SYT16: variants seen among roughly 807,000 people sequenced by gnomAD.
SYT16 encodes the protein synaptotagmin 16.
In SYT16, 42 loss-of-function variants were observed where a neutral mutation model predicts 61.4. The ratio of observed to expected loss-of-function variants is 0.68; its 90% confidence interval spans 0.53 to 0.89. The LOEUF (loss-of-function observed/expected upper bound fraction) is 0.89. Among genes scored for constraint, SYT16 ranks in the 40% least tolerant of loss-of-function variants. The pLI is 0.00. For missense variants in SYT16, 804 were observed against 807.3 expected (o/e 1.00, Z 0.05); for synonymous variants, 314 against 302.3 (o/e 1.04, Z -0.40).
rs1380318282 is a variant in SYT16, at chr14:62,111,428, C to G, written c.*10721C>G. On this transcript the variant is annotated 3_prime_UTR_variant, in exon 8 of 8. Coordinates refer to ENST00000683842, the MANE Select transcript of SYT16 (RefSeq NM_001367656.1). Reference sequence around the variant, plus strand: ...GATGTATTAACATTGTAAACATGTACTTTTTCTATTCTATGCTTACTTTAA... The same window carrying G: ...GATGTATTAACATTGTAAACATGTAGTTTTTCTATTCTATGCTTACTTTAA... 1 of 152,000 alleles carries G rather than the reference C, an allele frequency of 6.6e-6. No homozygotes were observed. Among genetic ancestry groups the G allele is most frequent in the Non-Finnish European group, 1.5e-5 (1 of 67,934 alleles). The allele number at this position is 152,000 out of a possible 1,614,324, so 9.4% of individuals were successfully genotyped here. A position where few individuals can be genotyped will look rare whatever the true frequency, so the allele number is the denominator to read the frequency against.
chr14:62,030,301 T>C (rs999632325), intron 3 of SYT16, among the ~76,000 whole-genome samples: 2 of 152,180 alleles, frequency 1.3e-5, no homozygotes, highest in Middle Eastern at 3.2e-3. Flanking sequence ...GCTTATATCA[T>C]CCTGCCGGGA....
chr14:62,003,677 A>G (rs1385251332), intron 3 of SYT16, among the ~76,000 whole-genome samples: 1 of 152,118 alleles, frequency 6.6e-6, no homozygotes, highest in African/African-American at 2.4e-5. Flanking sequence ...TACACTGTGA[A>G]ATTGAATTGG....
chr14:62,036,748 G>A (rs933917494), intron 3 of SYT16, among the ~76,000 whole-genome samples: 8 of 152,044 alleles, frequency 5.3e-5, no homozygotes, highest in African/African-American at 1.9e-4. Flanking sequence ...AGAAAAGCAC[G>A]GGAAAAACCC....
chr14:61,982,430 A>G (rs908191446), intron 2 of SYT16, among the ~76,000 whole-genome samples: 1 of 152,182 alleles, frequency 6.6e-6, no homozygotes, highest in Non-Finnish European at 1.5e-5. Flanking sequence ...CAGGCAAGAT[A>G]GAGAGAATGA....
At position 62,100,518 on chromosome 14, in the gene SYT16, C is replaced by T; in HGVS notation, c.1749C>T (p.Leu583=). The T allele has an allele frequency of 6.2e-7, 1 of 1,613,836 alleles. No homozygotes were observed. Among genetic ancestry groups the T allele is most frequent in the African/African-American group, 1.3e-5 (1 of 75,046 alleles). The change falls in exon 8 of 8, where the codon CTC becomes CTT. Residue 583 remains leucine (L), a synonymous_variant. Transcript: ENST00000683842. Reference sequence around the variant, plus strand: ...AGACCTTTGTTTTCCAGGTGGCCCTCTTTCAGCTGTCTGATGTCACGTTGA... The same window carrying T: ...AGACCTTTGTTTTCCAGGTGGCCCTTTTTCAGCTGTCTGATGTCACGTTGA... ...YKETFVFQVA[L]FQLSDVTLMI...
Position 61,947,414 on chromosome 14 carries a change from A to C in SYT16, c.-324-22718A>C, listed in dbSNP as rs545962728. ...AGCCTGCACATTTGATAGTTGACACAGCCCCAGAACCACTGAGGCACCTAA... is the reference window on the plus strand; with the variant it reads ...AGCCTGCACATTTGATAGTTGACACCGCCCCAGAACCACTGAGGCACCTAA... On this transcript the variant is annotated intron_variant, in intron 1 of 7. Transcript: ENST00000683842. 2.0e-5 allele frequency among the ~76,000 whole-genome samples: 3 copies of C among 152,122 alleles called. No homozygotes were observed. In the East Asian group the frequency reaches 5.8e-4, roughly 29 times the overall value.
At chr14:62,026,117 TTTGGA>T (rs1487333574) in intron 3 of SYT16, among the ~76,000 whole-genome samples, 1 of 152,094 alleles carries the variant, frequency 6.6e-6, no homozygotes, top group African/African-American at 2.4e-5. Context: ...GCCCTCAAAG[TTTGGA>T]GTAGCTCTTT....
intron 3 of SYT16, among the ~76,000 whole-genome samples, chr14:61,996,919 C>A (rs1260200958): frequency 6.6e-6 from 1 of 151,928 alleles, no homozygotes; most frequent in African/African-American, 2.4e-5. Context: ...GTGTGAAATC[C>A]TGTGCAAAAA....
At chr14:62,024,517 T>C (rs951815793) in intron 3 of SYT16, among the ~76,000 whole-genome samples, 2 of 152,080 alleles carry the variant, frequency 1.3e-5, no homozygotes, top group Admixed American at 6.6e-5. Flanking sequence ...CCCAATAAAA[T>C]TGATCGGAAA....
chr14:61,858,992 C>T (rs1339533264), intron 1 of SYT16, among the ~76,000 whole-genome samples: 1 of 150,994 alleles, frequency 6.6e-6, no homozygotes. Context: ...GTAGCTGGGA[C>T]TACAGGCGCC....
chr14:61,966,402 T>C (rs2051316989), intron 1 of SYT16, among the ~76,000 whole-genome samples: 1 of 152,134 alleles, frequency 6.6e-6, no homozygotes, highest in African/African-American at 2.4e-5. Context: ...AACATTATCA[T>C]CATTTTTATA....
chr14:62,030,578 A>G (rs1162318052), intron 3 of SYT16, among the ~76,000 whole-genome samples: 4 of 152,222 alleles, frequency 2.6e-5, no homozygotes, highest in African/African-American at 9.6e-5. Flanking sequence ...TCTCTTTCAC[A>G]CAATTGCAGT....
chr14:61,962,505 A>G (rs540329873), intron 1 of SYT16, among the ~76,000 whole-genome samples: 34 of 151,980 alleles, frequency 2.2e-4, no homozygotes, highest in Non-Finnish European at 3.8e-4. Context: ...TTTTGTGTTC[A>G]ATCTAGAGAG....
chr14:61,864,641 A>G (rs1442198304), intron 1 of SYT16, among the ~76,000 whole-genome samples: 2 of 152,242 alleles, frequency 1.3e-5, no homozygotes, highest in African/African-American at 2.4e-5. Context: ...TGGCGGTGGA[A>G]TGAGTGCGGT....
chr14:62,015,668 T>G lies in SYT16; in HGVS notation c.523+19126T>G, dbSNP rs760598935. Among the ~76,000 whole-genome samples the G allele has an allele frequency of 2.0e-5, 3 of 152,140 alleles. No individual in the cohort carries two copies. The East Asian group carries it at 5.8e-4, about 29-fold the overall frequency. On this transcript the variant is annotated intron_variant, in intron 3 of 7. Transcript: ENST00000683842. ...CTCATGAATGGGATGAGTGCCCTTATAAAAGAGGCCCCAGAAGCCGCCTTG... is the reference window on the plus strand; with the variant it reads ...CTCATGAATGGGATGAGTGCCCTTAGAAAAGAGGCCCCAGAAGCCGCCTTG...
At position 61,996,732 on chromosome 14, in the gene SYT16, C is replaced by T. The variant is rs375975758; in HGVS notation, c.523+190C>T. 1.2e-4 allele frequency among the ~76,000 whole-genome samples: 18 copies of T among 152,134 alleles called. No individual in the cohort carries two copies. The South Asian group carries it at 1.9e-3, about 16-fold the overall frequency. On this transcript the variant is annotated intron_variant, in intron 3 of 7. Transcript: ENST00000683842. The stretch of plus-strand genomic sequence containing the variant: ...AATATATAAAGCTTTGGAGGATCCA[C>T]GTTTGGGAGTTCCATATTTCAAAAC...
intron 1 of SYT16, among the ~76,000 whole-genome samples, chr14:61,924,154 G>C (rs116512831): frequency 3.9e-5 from 6 of 152,096 alleles, no homozygotes; most frequent in African/African-American, 1.4e-4. Flanking sequence ...GATGAACTTG[G>C]TTACTCCCAG....
At chr14:61,844,377 T>G (rs796141175) in intron 1 of SYT16, among the ~76,000 whole-genome samples, 2 of 152,292 alleles carry the variant, frequency 1.3e-5, no homozygotes, top group African/African-American at 4.8e-5. Flanking sequence ...GCCCTTTATT[T>G]CTTTCTCTTG....
chr14:61,951,778 A>G (rs2050680435), intron 1 of SYT16, among the ~76,000 whole-genome samples: 1 of 151,934 alleles, frequency 6.6e-6, no homozygotes, highest in Non-Finnish European at 1.5e-5. Context: ...TATTTCTATA[A>G]TTATATTATA....
Sources: allele counts gnomAD v4.1 joint callset (sites outside exome capture counted in the v4.1 genomes callset), GRCh38; gene constraint gnomAD v4.1.1; transcripts MANE v1.5; gene names NCBI Gene and HGNC (gene_info 2026-07-23, HGNC 2026-07-21).